CSMD1: variants seen among roughly 807,000 people sequenced by gnomAD.
CSMD1 encodes CUB and Sushi multiple domains 1, also known as CUB and sushi domain-containing protein 1.
Under a neutral mutation model 417.5 loss-of-function variants are expected in CSMD1, and 213 were observed. The observed-to-expected ratio is 0.51, with a 90% CI of 0.46 to 0.57. The LOEUF (loss-of-function observed/expected upper bound fraction) is 0.57, where lower values mean the gene tolerates loss of function less well. Among genes scored for constraint, CSMD1 ranks in the 20% least tolerant of loss-of-function variants. The pLI is 0.00. For missense variants in CSMD1, 6,923 were observed against 4,529.7 expected, an observed-to-expected ratio of 1.53 and a Z score of -15.17; for synonymous variants, 2,862 against 1,736.8, an observed-to-expected ratio of 1.65 and a Z score of -16.11.
At chr8:3,396,063 T>C (rs1020330803) in intron 17 of CSMD1, 131 bp downstream of exon 17, 3 of 720,870 alleles carry the variant, frequency 4.2e-6, no homozygotes, top group East Asian at 2.7e-5. Context: ...AATTGCATAG[T>C]ATGGTTTTGC....
In CSMD1 at chr8:2,948,693, G is replaced by A. The variant is rs1256610312; in HGVS notation, c.10402+606C>T. The stretch of plus-strand genomic sequence containing the variant: ...ACTAAAACAATCCTGCTTTGGACAC[G>A]CCTGAATATGCAGAAAACAATTTAC... On this transcript the variant is annotated intron_variant, in intron 68 of 69. Transcript: ENST00000635120. 2.6e-5 allele frequency among the ~76,000 whole-genome samples: 4 copies of A among 152,044 alleles called. 1 individual carries two copies. Among genetic ancestry groups the A allele is most frequent in the Non-Finnish European group, 2.9e-5 (2 of 67,990 alleles).
intron 7 of CSMD1, among the ~76,000 whole-genome samples, chr8:3,674,197 G>A (rs1799245257): frequency 6.6e-6 from 1 of 152,236 alleles, no homozygotes; most frequent in African/African-American, 2.4e-5. Context: ...AAGACCCTGA[G>A]TTGTCTCTAG....
intron 1 of CSMD1, among the ~76,000 whole-genome samples, chr8:4,821,170 C>A (rs1413089602): frequency 6.6e-6 from 1 of 152,112 alleles, no homozygotes; most frequent in African/African-American, 2.4e-5. Flanking sequence ...CCTCTCTTCT[C>A]TGTAATCACG....
intron 2 of CSMD1, among the ~76,000 whole-genome samples, chr8:4,488,468 C>G (rs1801530062): frequency 6.6e-6 from 1 of 152,002 alleles, no homozygotes; most frequent in South Asian, 2.1e-4. Flanking sequence ...TGAATATTCA[C>G]AAAATAAACT....
At chr8:4,228,833 C>T (rs557470455) in intron 3 of CSMD1, among the ~76,000 whole-genome samples, 37 of 151,978 alleles carry the variant, frequency 2.4e-4, no homozygotes, top group African/African-American at 7.7e-4. Flanking sequence ...TCATGTGCAC[C>T]ACTGTGCCCA....
chr8:3,989,822 C>T (rs1348540010), intron 5 of CSMD1, among the ~76,000 whole-genome samples: 1 of 152,124 alleles, frequency 6.6e-6, no homozygotes, highest in African/African-American at 2.4e-5. Context: ...GGAAGTAACC[C>T]AAGCAACAAA....
chr8:4,959,504 T>C (rs574417660), intron 1 of CSMD1, among the ~76,000 whole-genome samples: 1 of 152,238 alleles, frequency 6.6e-6, no homozygotes, highest in Non-Finnish European at 1.5e-5. Flanking sequence ...TCTTCAAACG[T>C]ATCCAGAATC....
chr8:3,781,287 G>A (rs1042866237), intron 5 of CSMD1, among the ~76,000 whole-genome samples: 1 of 152,082 alleles, frequency 6.6e-6, no homozygotes, highest in Admixed American at 6.6e-5. Context: ...AGAGAATATG[G>A]TATGAATATA....
At chr8:4,929,174 G>T (rs771496669) in intron 1 of CSMD1, among the ~76,000 whole-genome samples, 1 of 152,186 alleles carries the variant, frequency 6.6e-6, no homozygotes. Flanking sequence ...CATCAGAGAA[G>T]CTCCTGCAAA....
intron 1 of CSMD1, among the ~76,000 whole-genome samples, chr8:4,898,462 G>A (rs1004171146): frequency 2.0e-5 from 3 of 151,474 alleles, no homozygotes; most frequent in Admixed American, 1.3e-4. Context: ...GAAAGTGTAA[G>A]TGAGAGCCGA....
At chr8:4,846,214 C>A (rs996038426) in intron 1 of CSMD1, among the ~76,000 whole-genome samples, 4 of 152,042 alleles carry the variant, frequency 2.6e-5, no homozygotes, top group African/African-American at 9.7e-5. Flanking sequence ...TCTTTTTTTT[C>A]TTTTTGACCT....
In CSMD1 at chr8:3,189,794, G is replaced by T. The variant is rs1209617276; in HGVS notation, c.5398+118C>A. The T allele has an allele frequency of 8.3e-6, 7 of 843,176 alleles. 1 individual carries two copies. Among genetic ancestry groups the T allele is most frequent in the Non-Finnish European group, 1.3e-5 (7 of 554,020 alleles). The allele number at this position is 843,176 out of a possible 1,614,324, so 52.2% of individuals were successfully genotyped here. A position where few individuals can be genotyped will look rare whatever the true frequency, so the allele number is the denominator to read the frequency against. On this transcript the variant is annotated intron_variant, in intron 34 of 69. Transcript: ENST00000635120. Reference sequence around the variant, plus strand: ...TCAATTACTTCCCATGAAACAAACTGCCCTTTAAATGGGTCATGAGCCAGA... The same window carrying T: ...TCAATTACTTCCCATGAAACAAACTTCCCTTTAAATGGGTCATGAGCCAGA...
rs142213023 is a variant in CSMD1, at chr8:4,550,088, C to T, written c.302+87254G>A. 8.6e-5 allele frequency among the ~76,000 whole-genome samples: 13 copies of T among 151,726 alleles called. No homozygotes were observed. In the East Asian group the frequency reaches 2.1e-3, roughly 25 times the overall value. On this transcript the variant is annotated intron_variant, in intron 2 of 69. Transcript: ENST00000635120. Reference sequence around the variant, plus strand: ...TGGAACACCCCCATGTTTGGATAGGCGTGGGTTGCTCGGTAGAAACGGACT... The same window carrying T: ...TGGAACACCCCCATGTTTGGATAGGTGTGGGTTGCTCGGTAGAAACGGACT...
intron 3 of CSMD1, among the ~76,000 whole-genome samples, chr8:4,161,119 T>C (rs928845035): frequency 2.6e-5 from 2 of 77,430 alleles, no homozygotes; most frequent in South Asian, 3.9e-4. Flanking sequence ...AAACAAATAA[T>C]GTAAAAAAAA....
chr8:3,460,212 G>A (rs1390452800), intron 12 of CSMD1, among the ~76,000 whole-genome samples: 1 of 152,068 alleles, frequency 6.6e-6, no homozygotes, highest in Non-Finnish European at 1.5e-5. Context: ...AGATGAGACG[G>A]GAAGATCAGC....
Position 3,249,140 on chromosome 8 carries a change from A to T in CSMD1, c.4154-18909T>A, listed in dbSNP as rs192889109. On this transcript the variant is annotated intron_variant, in intron 26 of 69. Transcript: ENST00000635120. ...CGAGAATTGGCCCCTAGCAGGTATTAAATAGTAACTATTATAAGCTGTATC... is the reference window on the plus strand; with the variant it reads ...CGAGAATTGGCCCCTAGCAGGTATTTAATAGTAACTATTATAAGCTGTATC... 4.6e-5 allele frequency among the ~76,000 whole-genome samples: 7 copies of T among 152,260 alleles called. No individual in the cohort carries two copies. In the East Asian group the frequency reaches 1.4e-3, roughly 29 times the overall value.
intron 1 of CSMD1, among the ~76,000 whole-genome samples, chr8:4,964,798 C>A (rs189807122): frequency 6.6e-6 from 1 of 152,244 alleles, no homozygotes; most frequent in African/African-American, 2.4e-5. Context: ...TTCTTTTTAT[C>A]GTCGTTGTCC....
At position 3,312,908 on chromosome 8, in the gene CSMD1, A is replaced by C. The variant is rs541409209; in HGVS notation, c.3632-4405T>G. On this transcript the variant is annotated intron_variant, in intron 23 of 69. Transcript: ENST00000635120. ...TAGCCTGCTGTTTCCCTCTCTGCAA[A>C]TTGCATGAAGTACATTTCAATTGAG... is the stretch of plus-strand genomic sequence containing the variant. Among the ~76,000 whole-genome samples, 4 of 152,284 alleles carry C rather than the reference A, an allele frequency of 2.6e-5. No individual in the cohort carries two copies. The East Asian group carries it at 7.7e-4, about 29-fold the overall frequency.
chr8:3,583,516 T>G (rs879402106), intron 9 of CSMD1, among the ~76,000 whole-genome samples: 5 of 152,036 alleles, frequency 3.3e-5, no homozygotes, highest in Non-Finnish European at 5.9e-5. Context: ...AAGCAGGGTG[T>G]TCAGCGACAA....
Sources: allele counts gnomAD v4.1 joint callset (sites outside exome capture counted in the v4.1 genomes callset), GRCh38; gene constraint gnomAD v4.1.1; transcripts MANE v1.5; gene names NCBI Gene and HGNC (gene_info 2026-07-23, HGNC 2026-07-21).